The following ARB2A variants were observed in gnomAD, a reference collection of about 807,000 sequenced individuals.
ARB2A encodes cotranscriptional regulator ARB2A.
chr5:93,660,870 G>A, the ARB2A span, among the ~76,000 whole-genome samples: 1 of 152,100 alleles, frequency 6.6e-6, no homozygotes, highest in South Asian at 2.1e-4. Flanking sequence ...CGACTGCCTT[G>A]ATGCTGGAAA....
At chr5:93,943,443 C>G in the ARB2A span, among the ~76,000 whole-genome samples, 5 of 152,032 alleles carry the variant, frequency 3.3e-5, no homozygotes, top group African/African-American at 1.2e-4. Context: ...TCTCTGAGCC[C>G]TTAAACAAGA....
At chr5:93,958,696 A>G in the ARB2A span, 1 of 989,228 alleles carries the variant, frequency 1.0e-6, no homozygotes, top group South Asian at 3.0e-5. Context: ...CTTAGGATAT[A>G]CTTTTTGAAG....
At chr5:93,841,466 A>G in the ARB2A span, among the ~76,000 whole-genome samples, 1 of 152,192 alleles carries the variant, frequency 6.6e-6, no homozygotes, top group Non-Finnish European at 1.5e-5. Flanking sequence ...GCCATTTTAT[A>G]TAAGTGACTT....
At chr5:94,091,679 G>A in the ARB2A span, among the ~76,000 whole-genome samples, 16 of 152,094 alleles carry the variant, frequency 1.1e-4, 1 homozygote, top group African/African-American at 3.6e-4. Context: ...CTGGAACTTC[G>A]TATTTTTCAG....
chr5:93,640,179 C>T, the ARB2A span, among the ~76,000 whole-genome samples: 7 of 151,534 alleles, frequency 4.6e-5, no homozygotes, highest in African/African-American at 1.7e-4. Context: ...GGTGTGGTGG[C>T]TCATGCCTGT....
the ARB2A span, among the ~76,000 whole-genome samples, chr5:93,896,164 A>G: frequency 3.3e-5 from 5 of 152,096 alleles, 2 homozygotes; most frequent in South Asian, 1.0e-3. Flanking sequence ...GGCTGCCCTA[A>G]AAATAGTTGT....
the ARB2A span, among the ~76,000 whole-genome samples, chr5:93,748,599 A>AGTCCTTG: frequency 1.3e-5 from 2 of 152,078 alleles, no homozygotes; most frequent in Non-Finnish European, 2.9e-5. Flanking sequence ...CAACTACAGG[A>AGTCCTTG]AGTCCTTGCT....
the ARB2A span, among the ~76,000 whole-genome samples, chr5:93,839,665 T>C: frequency 6.6e-6 from 1 of 152,090 alleles, no homozygotes; most frequent in Non-Finnish European, 1.5e-5. Flanking sequence ...GCTTTTTTTT[T>C]TGGTTGATAG....
At chr5:93,872,270 T>C in the ARB2A span, among the ~76,000 whole-genome samples, 1 of 152,134 alleles carries the variant, frequency 6.6e-6, no homozygotes, top group Non-Finnish European at 1.5e-5. Context: ...TTCATACACA[T>C]TAATTTACAT....
chr5:93,881,108 G>A, the ARB2A span, among the ~76,000 whole-genome samples: 1 of 151,644 alleles, frequency 6.6e-6, no homozygotes, highest in African/African-American at 2.4e-5. Context: ...ATAACGGCAT[G>A]TTATGCTGAT....
At chr5:93,981,615 A>G in the ARB2A span, among the ~76,000 whole-genome samples, 7 of 151,948 alleles carry the variant, frequency 4.6e-5, no homozygotes, top group South Asian at 2.1e-4. Context: ...TCTCAATCCC[A>G]TAAGTTTGAG....
the ARB2A span, among the ~76,000 whole-genome samples, chr5:93,940,460 CT>C: frequency 6.6e-6 from 1 of 151,792 alleles, no homozygotes; most frequent in Non-Finnish European, 1.5e-5. Context: ...GTAGATATGT[CT>C]TTTTCATATT....
At chr5:93,839,002 T>C in the ARB2A span, among the ~76,000 whole-genome samples, 12 of 152,184 alleles carry the variant, frequency 7.9e-5, no homozygotes, top group African/African-American at 2.7e-4. Flanking sequence ...TAGTTTGACT[T>C]CCTCTCTTCC....
the ARB2A span, among the ~76,000 whole-genome samples, chr5:93,685,005 A>T: frequency 1.3e-5 from 2 of 152,208 alleles, no homozygotes; most frequent in African/African-American, 4.8e-5. Context: ...AAATTGTGCA[A>T]GTAGCAACTA....
the ARB2A span, among the ~76,000 whole-genome samples, chr5:93,707,691 C>T: frequency 4.6e-5 from 7 of 151,176 alleles, no homozygotes; most frequent in African/African-American, 1.7e-4. Flanking sequence ...TCTCCTGCCT[C>T]AGCCTCCCAA....
At chr5:93,766,298 G>A in the ARB2A span, among the ~76,000 whole-genome samples, 2 of 152,060 alleles carry the variant, frequency 1.3e-5, no homozygotes, top group Non-Finnish European at 1.5e-5. Context: ...ATCTGACAAA[G>A]GGTTAATATC....
the ARB2A span, among the ~76,000 whole-genome samples, chr5:94,042,045 T>C: frequency 6.6e-6 from 1 of 152,170 alleles, no homozygotes; most frequent in African/African-American, 2.4e-5. Flanking sequence ...GTGTTTCTGA[T>C]AAAAGATTAC....
chr5:93,950,291 A>T, the ARB2A span, among the ~76,000 whole-genome samples: 1 of 152,152 alleles, frequency 6.6e-6, no homozygotes, highest in Non-Finnish European at 1.5e-5. Flanking sequence ...GGAACCTTCA[A>T]ACTGTTCTCC....
At chr5:94,010,752 A>G in the ARB2A span, among the ~76,000 whole-genome samples, 1 of 152,036 alleles carries the variant, frequency 6.6e-6, no homozygotes, top group South Asian at 2.1e-4. Context: ...TAGAACCACC[A>G]AAAAGTATAA....
Sources: gnomAD v4.1 joint callset for allele counts (sites outside exome capture counted in the v4.1 genomes callset) on GRCh38, gnomAD v4.1.1 for gene constraint, MANE v1.5 for transcripts, NCBI Gene and HGNC (gene_info 2026-07-23, HGNC 2026-07-21) for gene names.